The following PTPRS variants were observed in gnomAD, a reference collection of about 807,000 sequenced individuals.
PTPRS encodes receptor-type tyrosine-protein phosphatase S.
In PTPRS, 63 loss-of-function variants were observed where a neutral mutation model predicts 215.3. That is an observed-to-expected ratio of 0.29 (90% CI 0.24 to 0.36). The LOEUF (loss-of-function observed/expected upper bound fraction) is 0.36. PTPRS is among the 10% of genes least tolerant of loss of function. PTPRS has a pLI of 1.00. For missense variants in PTPRS, 2,258 were observed against 2,825.8 expected, an observed-to-expected ratio of 0.80 and a Z score of 4.56; for synonymous variants, 1,404 against 1,191.4, an observed-to-expected ratio of 1.18 and a Z score of -3.68.
chr19:5,316,749 G>C (rs980025375), intron 1 of PTPRS, among the ~76,000 whole-genome samples: 1 of 151,516 alleles, frequency 6.6e-6, no homozygotes, highest in African/African-American at 2.4e-5. Context: ...GGCTGGTCTC[G>C]AACTCCTGAG....
chr19:5,321,154 T>C (rs918630884), intron 1 of PTPRS, among the ~76,000 whole-genome samples: 2 of 152,146 alleles, frequency 1.3e-5, no homozygotes, highest in Non-Finnish European at 2.9e-5. Context: ...GCACCTATAG[T>C]CCCAGCTGCT....
chr19:5,288,072 C>G (rs2048514216), intron 1 of PTPRS, among the ~76,000 whole-genome samples: 1 of 151,664 alleles, frequency 6.6e-6, no homozygotes, highest in South Asian at 2.1e-4. Context: ...AAAATCAGAC[C>G]ACAGACATAC....
chr19:5,238,330 G>A (rs1329800020), intron 13 of PTPRS, among the ~76,000 whole-genome samples: 2 of 152,118 alleles, frequency 1.3e-5, no homozygotes, highest in Non-Finnish European at 2.9e-5. Flanking sequence ...CCCCGAGTGG[G>A]GACCTGCATG....
intron 1 of PTPRS, among the ~76,000 whole-genome samples, chr19:5,297,358 C>T (rs921272816): frequency 6.6e-6 from 1 of 152,204 alleles, no homozygotes; most frequent in African/African-American, 2.4e-5. Flanking sequence ...ATCCATCCCT[C>T]GCCTAGAGAG....
chr19:5,221,629 C>G (rs1417616573), intron 19 of PTPRS, among the ~76,000 whole-genome samples: 1 of 152,150 alleles, frequency 6.6e-6, no homozygotes, highest in Non-Finnish European at 1.5e-5. Context: ...AAACCCACCT[C>G]TGAGACCTGA....
chr19:5,291,320 C>T (rs1159001808), intron 1 of PTPRS, among the ~76,000 whole-genome samples: 1 of 152,084 alleles, frequency 6.6e-6, no homozygotes, highest in Non-Finnish European at 1.5e-5. Flanking sequence ...AACCGAGGCT[C>T]ACCAAGGGTC....
At chr19:5,265,499 G>A (rs1252878874) in intron 4 of PTPRS, among the ~76,000 whole-genome samples, 3 of 152,056 alleles carry the variant, frequency 2.0e-5, no homozygotes, top group East Asian at 1.9e-4. Flanking sequence ...GCGCCACCAC[G>A]CCTGGCTAAT....
intron 4 of PTPRS, among the ~76,000 whole-genome samples, chr19:5,271,325 G>C (rs534450393): frequency 2.6e-5 from 4 of 152,064 alleles, no homozygotes; most frequent in African/African-American, 9.6e-5. Flanking sequence ...TGCTAATCTT[G>C]CTCCCTGTAT....
rs1411770918 is a variant in PTPRS at position 5,220,370 on chromosome 19, AAG to A, written c.3456-19_3456-18del. 6 of 1,604,978 alleles carry A rather than the reference AAG, an allele frequency of 3.7e-6. No individual in the cohort carries two copies. Among genetic ancestry groups the A allele is most frequent in the African/African-American group, 1.3e-5 (1 of 74,718 alleles). ...AAATAGCTCCTGTAGGGAGATGGGAAAGAGTCAGAGGGGCTGTCGATAGGGAT... is the reference window on the plus strand; with the variant it reads ...AAATAGCTCCTGTAGGGAGATGGGAAAGTCAGAGGGGCTGTCGATAGGGAT... On this transcript the variant is annotated intron_variant, in intron 20 of 37. Transcript: ENST00000262963.
At chr19:5,224,270 C>T (rs1234228194) in intron 17 of PTPRS, among the ~76,000 whole-genome samples, 1 of 152,156 alleles carries the variant, frequency 6.6e-6, no homozygotes, top group Non-Finnish European at 1.5e-5. Flanking sequence ...CTGGGGGAAT[C>T]GTGCTCCAGG....
At chr19:5,247,279 C>T (rs184180549) in intron 9 of PTPRS, among the ~76,000 whole-genome samples, 3 of 151,964 alleles carry the variant, frequency 2.0e-5, no homozygotes, top group East Asian at 3.9e-4. Context: ...ATGTTCTGTG[C>T]GTTTCTTAGC....
In PTPRS at chr19:5,319,565, C is replaced by T. The variant is rs142099214; in HGVS notation, c.-95+21099G>A. ...CTCCTCTGCCCACAGCCCTCCATAG[C>T]TCCCACCTCTCTAGGGCTCAAAGCC... On this transcript the variant is annotated intron_variant, in intron 1 of 37. Coordinates refer to ENST00000262963, the MANE Select transcript of PTPRS (RefSeq NM_002850.4). 6.2e-3 allele frequency among the ~76,000 whole-genome samples: 941 copies of T among 152,094 alleles called. 6 individuals carry two copies. Among genetic ancestry groups the T allele is most frequent in the Non-Finnish European group, 9.4e-3 (636 of 68,000 alleles).
chr19:5,219,985 T>C lies in PTPRS; in HGVS notation c.3719A>G (p.His1240Arg). The change falls in exon 22 of 38, where the codon CAC becomes CGC. Residue 1240 changes from histidine (H) to arginine (R), a missense_variant. This residue lies in a region of PTPRS where 927 missense variants were observed against 1,125.9 expected (regional missense o/e 0.82). Transcript: ENST00000262963. ...GFDNRGLEPG[H>R]RYVLFVLAVL... ...GGCAAGCACGAAGAGGACATAGCGG[T>C]GGCCGGGCTCCAGGCCCCGGTTATC... 6.2e-7 allele frequency: 1 copy of C among 1,613,762 alleles called. No homozygotes were observed.
At chr19:5,272,201 G>A (rs777467173) in intron 4 of PTPRS, among the ~76,000 whole-genome samples, 23 of 152,148 alleles carry the variant, frequency 1.5e-4, no homozygotes, top group African/African-American at 4.3e-4. Context: ...GTAGGCGGCT[G>A]TTTGAAATGA....
chr19:5,336,258 G>T, intron 1 of PTPRS, among the ~76,000 whole-genome samples: 1 of 103,218 alleles, frequency 9.7e-6, no homozygotes, highest in South Asian at 4.4e-4. Context: ...TTTCCTTAAA[G>T]GAAAAGGGGG....
At chr19:5,208,515 C>T (rs1319348765) in intron 35 of PTPRS, 124 bp from the exon 36 acceptor site, 3 of 1,041,300 alleles carry the variant, frequency 2.9e-6, no homozygotes, top group African/African-American at 3.3e-5. Context: ...GAGTTTCACT[C>T]TTGTCGCCCA....
At chr19:5,274,077 G>A in intron 3 of PTPRS, 122 bp downstream of exon 3, 4 of 1,374,276 alleles carry the variant, frequency 2.9e-6, no homozygotes, top group Non-Finnish European at 3.9e-6. Flanking sequence ...AGCCATGCTT[G>A]CTTGGCCACA....
Position 5,214,558 on chromosome 19 carries a change from C to T in PTPRS, c.4494+3G>A. On this transcript the variant is annotated splice_donor_region_variant and intron_variant, in intron 29 of 37. Coordinates refer to ENST00000262963, the MANE Select transcript of PTPRS (RefSeq NM_002850.4). ...CTTGAGGGCCGTGGGGTCCAAGGCT[C>T]ACCCGTGACTTCTCCTCCAGCCGCG... is the stretch of plus-strand genomic sequence containing the variant. The T allele has an allele frequency of 6.2e-7, 1 of 1,611,680 alleles. No homozygotes were observed. Among genetic ancestry groups the T allele is most frequent in the South Asian group, 1.1e-5 (1 of 91,052 alleles).
At chr19:5,335,175 G>A (rs976727392) in intron 1 of PTPRS, among the ~76,000 whole-genome samples, 8 of 152,148 alleles carry the variant, frequency 5.3e-5, no homozygotes, top group African/African-American at 1.9e-4. Flanking sequence ...CAGAGCCATG[G>A]CTTCTCCGCC....
Sources: allele counts gnomAD v4.1 joint callset (sites outside exome capture counted in the v4.1 genomes callset), GRCh38; gene constraint gnomAD v4.1.1; regional missense constraint gnomAD v4.1.1; transcripts MANE v1.5; gene names NCBI Gene and HGNC (gene_info 2026-07-23, HGNC 2026-07-21).